The following CNTNAP2 variants were observed in gnomAD, a reference collection of about 807,000 sequenced individuals.
CNTNAP2 encodes the protein contactin-associated protein-like 2.
Under a neutral mutation model 155.2 loss-of-function variants are expected in CNTNAP2, and 98 were observed. That is an observed-to-expected ratio of 0.63 (90% CI 0.54 to 0.75). The LOEUF (loss-of-function observed/expected upper bound fraction) is 0.75. CNTNAP2 is among the 30% of genes least tolerant of loss of function. CNTNAP2 has a pLI of 0.00. For synonymous variants in CNTNAP2, 651 were observed against 631.2 expected (o/e 1.03, Z -0.47); for missense variants, 1,727 against 1,688.1 (o/e 1.02, Z -0.40).
At chr7:146,594,298 G>C (rs1798826923) in intron 1 of CNTNAP2, among the ~76,000 whole-genome samples, 1 of 152,030 alleles carries the variant, frequency 6.6e-6, no homozygotes, top group African/African-American at 2.4e-5. Flanking sequence ...ATCTTGTCAT[G>C]TTCCATATGT....
At chr7:147,934,386 C>T (rs758812458) in intron 14 of CNTNAP2, among the ~76,000 whole-genome samples, 2 of 152,142 alleles carry the variant, frequency 1.3e-5, no homozygotes, top group Non-Finnish European at 2.9e-5. Flanking sequence ...AGAGAGAGAA[C>T]TTGTGCAGGG....
intron 16 of CNTNAP2, among the ~76,000 whole-genome samples, chr7:148,135,865 G>A (rs1804928585): frequency 7.7e-6 from 1 of 129,362 alleles, no homozygotes; most frequent in Non-Finnish European, 1.6e-5. Flanking sequence ...AGAGGGGAGG[G>A]GAGGGGGGGA....
chr7:147,492,980 A>AC (rs11437576), intron 11 of CNTNAP2, among the ~76,000 whole-genome samples: 22,872 of 152,094 alleles, frequency 0.15, 1,853 homozygotes, highest in East Asian at 0.29. Context: ...TTTTTAATGT[A>AC]CCCCAGAACT....
chr7:147,392,091 A>T (rs1796728632), intron 9 of CNTNAP2, among the ~76,000 whole-genome samples: 1 of 152,044 alleles, frequency 6.6e-6, no homozygotes, highest in Non-Finnish European at 1.5e-5. Context: ...TTTCCATATT[A>T]TCACAAGAAA....
At chr7:146,306,077 C>T (rs1800706730) in intron 1 of CNTNAP2, among the ~76,000 whole-genome samples, 1 of 152,100 alleles carries the variant, frequency 6.6e-6, no homozygotes, top group Admixed American at 6.6e-5. Flanking sequence ...CACCACCAAT[C>T]CCACAGAAAT....
chr7:146,615,829 C>G (rs1799214820), intron 1 of CNTNAP2, among the ~76,000 whole-genome samples: 1 of 152,174 alleles, frequency 6.6e-6, no homozygotes, highest in Non-Finnish European at 1.5e-5. Flanking sequence ...TTCCAAAGAT[C>G]TTCATGTGCT....
intron 8 of CNTNAP2, among the ~76,000 whole-genome samples, chr7:147,196,166 C>A (rs144115803): frequency 6.6e-6 from 1 of 152,174 alleles, no homozygotes; most frequent in South Asian, 2.1e-4. Context: ...TGGTCGCAGA[C>A]TTCTAGCCTC....
At chr7:147,704,995 C>A (rs981527949) in intron 13 of CNTNAP2, among the ~76,000 whole-genome samples, 83 of 151,790 alleles carry the variant, frequency 5.5e-4, no homozygotes, top group African/African-American at 2.0e-3. Flanking sequence ...TTATTGATTT[C>A]ATCTTTTAAA....
At chr7:146,124,153 C>T (rs1584760360) in intron 1 of CNTNAP2, among the ~76,000 whole-genome samples, 2 of 151,974 alleles carry the variant, frequency 1.3e-5, no homozygotes, top group Non-Finnish European at 2.9e-5. Flanking sequence ...ATGTAGATAA[C>T]GGGTTGATGG....
At chr7:147,077,183 A>G (rs1563067640) in intron 4 of CNTNAP2, among the ~76,000 whole-genome samples, 1 of 151,992 alleles carries the variant, frequency 6.6e-6, no homozygotes, top group Non-Finnish European at 1.5e-5. Flanking sequence ...TGTGTCTACA[A>G]CTCAGATTTT....
intron 13 of CNTNAP2, among the ~76,000 whole-genome samples, chr7:147,815,530 A>T (rs985607059): frequency 6.6e-6 from 1 of 152,090 alleles, no homozygotes; most frequent in African/African-American, 2.4e-5. Flanking sequence ...CTTCTTCCAC[A>T]TCCTTCTTCT....
chr7:147,666,797 G>A (rs1179732750), intron 13 of CNTNAP2, among the ~76,000 whole-genome samples: 2 of 152,318 alleles, frequency 1.3e-5, no homozygotes, highest in South Asian at 4.1e-4. Flanking sequence ...TGAATAAGAG[G>A]TACAAAGATG....
chr7:146,687,749 C>A (rs1800626953), intron 1 of CNTNAP2, among the ~76,000 whole-genome samples: 1 of 152,010 alleles, frequency 6.6e-6, no homozygotes, highest in Admixed American at 6.6e-5. Flanking sequence ...AAGGAGATGA[C>A]AATGCAACCA....
intron 15 of CNTNAP2, among the ~76,000 whole-genome samples, chr7:147,990,662 G>A (rs1258181244): frequency 6.6e-6 from 1 of 150,532 alleles, no homozygotes. Context: ...ATGCCCTTTG[G>A]ACTTAGGCGA....
chr7:147,732,377 T>A (rs1218784287), intron 13 of CNTNAP2, among the ~76,000 whole-genome samples: 4 of 152,200 alleles, frequency 2.6e-5, no homozygotes, highest in Non-Finnish European at 4.4e-5. Flanking sequence ...TCATCCTTTT[T>A]ATGGCTGCAT....
At chr7:146,357,392 T>C (rs1366918556) in intron 1 of CNTNAP2, among the ~76,000 whole-genome samples, 2 of 152,156 alleles carry the variant, frequency 1.3e-5, no homozygotes, top group Non-Finnish European at 2.9e-5. Context: ...CTCTATAATC[T>C]GTAATCATGA....
intron 10 of CNTNAP2, among the ~76,000 whole-genome samples, chr7:147,456,623 A>G (rs1050291359): frequency 3.3e-5 from 5 of 152,146 alleles, no homozygotes; most frequent in African/African-American, 9.7e-5. Flanking sequence ...AGAACCTTGC[A>G]TGGGGAAGAG....
At chr7:147,865,765 G>A (rs1480668492) in intron 13 of CNTNAP2, among the ~76,000 whole-genome samples, 4 of 152,090 alleles carry the variant, frequency 2.6e-5, no homozygotes, top group Non-Finnish European at 5.9e-5. Flanking sequence ...TGTGGGATCG[G>A]TGGTGATATC....
At chr7:146,906,109 C>G (rs188171902) in intron 3 of CNTNAP2, among the ~76,000 whole-genome samples, 40 of 152,322 alleles carry the variant, frequency 2.6e-4, no homozygotes, top group African/African-American at 9.1e-4. Context: ...TAAAAAACGG[C>G]GCACCACGGG....
Sources: gnomAD v4.1 joint callset for allele counts (sites outside exome capture counted in the v4.1 genomes callset) on GRCh38, gnomAD v4.1.1 for gene constraint, MANE v1.5 for transcripts, NCBI Gene and HGNC (gene_info 2026-07-23, HGNC 2026-07-21) for gene names.